PACRGL: variants seen among roughly 807,000 people sequenced by gnomAD.
The protein encoded by PACRGL is PACRG-like protein.
PACRGL carries 38 observed loss-of-function variants against 34.5 expected under a neutral mutation model. The ratio of observed to expected loss-of-function variants is 1.10; its 90% confidence interval spans 0.85 to 1.44. The LOEUF (loss-of-function observed/expected upper bound fraction) is 1.44, where lower values mean the gene tolerates loss of function less well. Ranked by LOEUF, PACRGL falls within the 40% of genes most tolerant of loss-of-function variation. The probability of loss-of-function intolerance (pLI) is 0.00; values close to 1 mark genes in which losing one functional copy is unlikely to be tolerated. For synonymous variants in PACRGL, 128 were observed against 100.1 expected, an observed-to-expected ratio of 1.28 and a Z score of -1.66; for missense variants, 305 against 281.4, an observed-to-expected ratio of 1.08 and a Z score of -0.60.
At chr4:20,762,002 C>G in the PACRGL span, among the ~76,000 whole-genome samples, 1 of 152,178 alleles carries the variant, frequency 6.6e-6, no homozygotes, top group African/African-American at 2.4e-5. Flanking sequence ...CATGGAACCT[C>G]TATCCAACTA....
At chr4:20,715,954 C>G (rs1173449183) in intron 7 of PACRGL, among the ~76,000 whole-genome samples, 1 of 152,072 alleles carries the variant, frequency 6.6e-6, no homozygotes, top group Admixed American at 6.6e-5. Context: ...GTAAGCAGTG[C>G]CCATACACTG....
intron 7 of PACRGL, among the ~76,000 whole-genome samples, chr4:20,716,972 C>T (rs553968425): frequency 9.9e-5 from 15 of 152,232 alleles, no homozygotes; most frequent in East Asian, 1.9e-4. Flanking sequence ...TGTTCCTATT[C>T]CTCCACATCC....
chr4:20,758,992 A>G, the PACRGL span: 1 of 801,708 alleles, frequency 1.2e-6, no homozygotes, highest in African/African-American at 1.7e-5. Flanking sequence ...AAGCTGCACC[A>G]AGAAAATTAA....
At chr4:20,734,645 C>A, downstream of PACRGL, 1 of 1,544,214 alleles carries the variant, frequency 6.5e-7, no homozygotes, top group Non-Finnish European at 8.8e-7. Flanking sequence ...GTGATGTAGC[C>A]ATCTTTATTT....
intron 6 of PACRGL, 31 bp from the exon 7 acceptor site, chr4:20,713,401 C>CCATACAT (rs745859519): frequency 6.5e-7 from 1 of 1,529,874 alleles, no homozygotes; most frequent in South Asian, 1.1e-5. Context: ...TCCCTGATGT[C>CCATACAT]CATACATCCC....
chr4:20,765,031 TCA>T, the PACRGL span, among the ~76,000 whole-genome samples: 1 of 152,172 alleles, frequency 6.6e-6, no homozygotes, highest in African/African-American at 2.4e-5. Context: ...CTTGTTTGAG[TCA>T]CACAGGTTTT....
chr4:20,737,916 G>T (rs1750042708), intron 8 of PACRGL, among the ~76,000 whole-genome samples: 1 of 152,128 alleles, frequency 6.6e-6, no homozygotes, highest in African/African-American at 2.4e-5. Flanking sequence ...AAGGTTGTTT[G>T]AGTCCAAGAG....
rs774523821 is a variant in PACRGL, at chr4:20,730,180, AG to A, written c.*2840del. On this transcript the variant is annotated 3_prime_UTR_variant, in exon 9 of 9. Coordinates refer to ENST00000503585, the MANE Select transcript of PACRGL (RefSeq NM_001258345.3). ...TAAATTCAGCATATCTGCAAGGAAA[AG>A]TACACTATTTTGCCCCTGAGTATTG... 6.4e-7 allele frequency: 1 copy of A among 1,561,960 alleles called. No individual in the cohort carries two copies.
chr4:20,736,220 T>C (rs1749594733), downstream of PACRGL, among the ~76,000 whole-genome samples: 1 of 152,222 alleles, frequency 6.6e-6, no homozygotes, highest in Non-Finnish European at 1.5e-5. Flanking sequence ...TTTGTTTTAC[T>C]AGCTAACAGA....
the PACRGL span, chr4:20,758,903 G>T: frequency 1.2e-6 from 2 of 1,609,580 alleles, no homozygotes; most frequent in Non-Finnish European, 8.5e-7. Flanking sequence ...AGGGAAAGTG[G>T]CAGAGAAGCA....
intron 5 of PACRGL, among the ~76,000 whole-genome samples, chr4:20,710,958 T>TCACTTTAGGAGGCCAAGGC (rs1736870427): frequency 6.6e-6 from 1 of 151,686 alleles, no homozygotes; most frequent in African/African-American, 2.4e-5. Flanking sequence ...GAGGCCAAGG[T>TCACTTTAGGAGGCCAAGGC]AGGAGGATCA....
At chr4:20,700,189 C>A (rs190547707), upstream of PACRGL, among the ~76,000 whole-genome samples, 1 of 152,150 alleles carries the variant, frequency 6.6e-6, no homozygotes, top group African/African-American at 2.4e-5. Flanking sequence ...TGAAGAGAGG[C>A]TAGGGCGCAG....
chr4:20,720,912 C>A (rs906915234), intron 7 of PACRGL, among the ~76,000 whole-genome samples: 1 of 152,198 alleles, frequency 6.6e-6, no homozygotes, highest in Admixed American at 6.5e-5. Flanking sequence ...TAATATCCTG[C>A]AGCGTGTTTT....
At chr4:20,739,430 G>T (rs1401449263) in intron 8 of PACRGL, among the ~76,000 whole-genome samples, 1 of 152,194 alleles carries the variant, frequency 6.6e-6, no homozygotes, top group Non-Finnish European at 1.5e-5. Flanking sequence ...TGTAGCCTCT[G>T]CTGGTGATAA....
At chr4:20,726,140 C>A (rs1377258625) in intron 8 of PACRGL, among the ~76,000 whole-genome samples, 2 of 151,874 alleles carry the variant, frequency 1.3e-5, no homozygotes, top group Non-Finnish European at 2.9e-5. Flanking sequence ...ACAGGCCAAG[C>A]ATGTTAGATT....
chr4:20,736,633 A>T (rs1386413551), downstream of PACRGL, among the ~76,000 whole-genome samples: 6 of 152,156 alleles, frequency 3.9e-5, no homozygotes, highest in East Asian at 1.2e-3. Flanking sequence ...CATAATGAAA[A>T]TGATAATAGA....
downstream of PACRGL, chr4:20,732,714 A>G (rs1304921701): frequency 1.9e-6 from 3 of 1,612,574 alleles, no homozygotes; most frequent in South Asian, 2.2e-5. Context: ...GTCTGGGAGC[A>G]TCTTCTTTGA....
intron 8 of PACRGL, among the ~76,000 whole-genome samples, chr4:20,747,927 A>G (rs1752713933): frequency 6.6e-6 from 1 of 152,144 alleles, no homozygotes; most frequent in Non-Finnish European, 1.5e-5. Context: ...CTTTTCTTTT[A>G]AACATGACAG....
Position 20,729,950 on chromosome 4 carries a change from T to TAAAAC in PACRGL, c.*2613_*2617dup. The TAAAAC allele has an allele frequency of 9.1e-7, 1 of 1,102,402 alleles. No individual in the cohort carries two copies. Among genetic ancestry groups the TAAAAC allele is most frequent in the Non-Finnish European group, 1.2e-6 (1 of 812,496 alleles). 68.3% of individuals were successfully genotyped at this position (1,102,402 alleles called of 1,614,324 possible). On this transcript the variant is annotated 3_prime_UTR_variant, in exon 9 of 9. Coordinates refer to ENST00000503585, the MANE Select transcript of PACRGL (RefSeq NM_001258345.3). ...AAATCTTTTGGGGATTGCTTTATAT[T>TAAAAC]AAAACAAAGCTTGTTTGCATAATAT...
Sources: allele counts gnomAD v4.1 joint callset (sites outside exome capture counted in the v4.1 genomes callset), GRCh38; gene constraint gnomAD v4.1.1; transcripts MANE v1.5; gene names NCBI Gene and HGNC (gene_info 2026-07-23, HGNC 2026-07-21).